ERBB4: variants seen among roughly 807,000 people sequenced by gnomAD.
ERBB4 encodes erb-b2 receptor tyrosine kinase 4.
ERBB4 carries 42 observed loss-of-function variants against 158.0 expected under a neutral mutation model. The observed-to-expected ratio is 0.27, with a 90% CI of 0.21 to 0.34. The LOEUF is 0.34. Among genes scored for constraint, ERBB4 ranks in the 10% least tolerant of loss-of-function variants. The pLI, the probability that ERBB4 is intolerant of heterozygous loss-of-function variation, is 1.00. For missense variants in ERBB4, 1,333 were observed against 1,624.1 expected (o/e 0.82, Z 3.08); for synonymous variants, 583 against 558.7 (o/e 1.04, Z -0.61).
At chr2:212,095,115 C>A (rs1427903006) in intron 2 of ERBB4, among the ~76,000 whole-genome samples, 1 of 152,128 alleles carries the variant, frequency 6.6e-6, no homozygotes, top group East Asian at 1.9e-4. Context: ...ATCTTGATTG[C>A]TAGATTGTAA....
At chr2:211,886,979 C>A (rs1445249248) in intron 3 of ERBB4, among the ~76,000 whole-genome samples, 1 of 152,190 alleles carries the variant, frequency 6.6e-6, no homozygotes, top group African/African-American at 2.4e-5. Context: ...TACCACTTCT[C>A]TGCACCTTCA....
chr2:211,510,748 T>C (rs1307930654), intron 20 of ERBB4, among the ~76,000 whole-genome samples: 1 of 152,082 alleles, frequency 6.6e-6, no homozygotes, highest in South Asian at 2.1e-4. Flanking sequence ...CTTCAATGAC[T>C]GTGCATTTTA....
At chr2:212,414,020 T>C (rs2091579359) in intron 1 of ERBB4, among the ~76,000 whole-genome samples, 1 of 152,196 alleles carries the variant, frequency 6.6e-6, no homozygotes, top group Non-Finnish European at 1.5e-5. Context: ...TATTGGGATC[T>C]CATGAGTTGA....
intron 3 of ERBB4, among the ~76,000 whole-genome samples, chr2:211,925,371 G>T (rs961667684): frequency 7.4e-6 from 1 of 135,066 alleles, no homozygotes; most frequent in Admixed American, 7.6e-5. Flanking sequence ...ACAAAAACAA[G>T]ACTGCTTTTT....
At chr2:212,288,668 A>G (rs2086093587) in intron 1 of ERBB4, among the ~76,000 whole-genome samples, 1 of 151,968 alleles carries the variant, frequency 6.6e-6, no homozygotes, top group African/African-American at 2.4e-5. Flanking sequence ...GTCACCCTTC[A>G]AAGTGTCTGT....
intron 7 of ERBB4, among the ~76,000 whole-genome samples, chr2:211,715,593 C>T (rs2073868135): frequency 6.6e-6 from 1 of 152,166 alleles, no homozygotes; most frequent in Non-Finnish European, 1.5e-5. Flanking sequence ...GGTGGCTTCT[C>T]ATGGTTTAAC....
chr2:211,661,387 ATAG>A (rs1218195045), intron 15 of ERBB4, among the ~76,000 whole-genome samples: 1 of 152,306 alleles, frequency 6.6e-6, no homozygotes, highest in East Asian at 1.9e-4. Flanking sequence ...AAAATCTAGA[ATAG>A]TAGAATTATA....
intron 1 of ERBB4, among the ~76,000 whole-genome samples, chr2:212,276,475 T>C (rs1175610498): frequency 6.6e-6 from 1 of 151,688 alleles, no homozygotes. Flanking sequence ...TAAACAGTCA[T>C]GTAAGACACA....
intron 16 of ERBB4, among the ~76,000 whole-genome samples, chr2:211,632,540 T>C (rs1340383377): frequency 6.6e-6 from 1 of 152,124 alleles, no homozygotes; most frequent in Non-Finnish European, 1.5e-5. Flanking sequence ...TAATAGGTGG[T>C]ATACATATTT....
intron 1 of ERBB4, among the ~76,000 whole-genome samples, chr2:212,129,767 T>G (rs1206009478): frequency 6.6e-6 from 1 of 152,064 alleles, no homozygotes; most frequent in South Asian, 2.1e-4. Flanking sequence ...AAAATTAGAT[T>G]AATCACAATA....
At chr2:211,929,379 C>T (rs1283946069) in intron 3 of ERBB4, among the ~76,000 whole-genome samples, 2 of 151,830 alleles carry the variant, frequency 1.3e-5, no homozygotes, top group African/African-American at 4.8e-5. Flanking sequence ...TGTTTTAAAA[C>T]ATAAAAAATA....
intron 1 of ERBB4, among the ~76,000 whole-genome samples, chr2:212,348,712 T>C (rs1463112836): frequency 2.0e-5 from 3 of 152,150 alleles, no homozygotes; most frequent in Non-Finnish European, 4.4e-5. Flanking sequence ...GTGGCATTAC[T>C]GACAGTCTAT....
chr2:212,478,008 A>G (rs1348590030), intron 1 of ERBB4, among the ~76,000 whole-genome samples: 1 of 152,150 alleles, frequency 6.6e-6, no homozygotes, highest in African/African-American at 2.4e-5. Context: ...TGTCTTTACA[A>G]GAATAATCTT....
At chr2:211,907,905 G>A (rs1405246529) in intron 3 of ERBB4, among the ~76,000 whole-genome samples, 1 of 151,740 alleles carries the variant, frequency 6.6e-6, no homozygotes, top group Non-Finnish European at 1.5e-5. Flanking sequence ...AAAACCTTAT[G>A]CAAAAAGTTA....
At chr2:211,565,175 T>C (rs891242368) in intron 19 of ERBB4, among the ~76,000 whole-genome samples, 4 of 152,128 alleles carry the variant, frequency 2.6e-5, no homozygotes, top group Non-Finnish European at 5.9e-5. Context: ...CATAAATTAA[T>C]ACAAATAATT....
intron 3 of ERBB4, among the ~76,000 whole-genome samples, chr2:211,854,931 G>C (rs536981241): frequency 6.6e-6 from 1 of 152,016 alleles, no homozygotes; most frequent in Non-Finnish European, 1.5e-5. Flanking sequence ...AGCCGCTATT[G>C]CTACGCAGTT....
chr2:212,527,456 C>CA (rs1174757092), intron 1 of ERBB4, among the ~76,000 whole-genome samples: 4 of 151,840 alleles, frequency 2.6e-5, no homozygotes, highest in Middle Eastern at 3.4e-3. Flanking sequence ...GAAAAAATTA[C>CA]AAAAAAATTG....
In ERBB4 at chr2:211,733,442, G is replaced by A. The variant is rs562889585; in HGVS notation, c.623-8248C>T. ...CAATAAAGGAAGAGTATGAATCTGCGTAAGAATACCATAGTATTTTTAAGA... is the reference window on the plus strand; with the variant it reads ...CAATAAAGGAAGAGTATGAATCTGCATAAGAATACCATAGTATTTTTAAGA... On this transcript the variant is annotated intron_variant, in intron 5 of 27. Transcript: ENST00000342788. Among the ~76,000 whole-genome samples the A allele has an allele frequency of 1.5e-3, 215 of 147,550 alleles. 7 individuals carry two copies. Among genetic ancestry groups the A allele is most frequent in the Non-Finnish European group, 2.0e-3 (133 of 67,980 alleles).
At chr2:211,466,701 C>T (rs1170349697) in intron 20 of ERBB4, among the ~76,000 whole-genome samples, 3 of 152,114 alleles carry the variant, frequency 2.0e-5, no homozygotes, top group African/African-American at 2.4e-5. Flanking sequence ...CAGAAAAGTG[C>T]TATGGTTTAC....
Sources: allele counts gnomAD v4.1 joint callset (sites outside exome capture counted in the v4.1 genomes callset), GRCh38; gene constraint gnomAD v4.1.1; transcripts MANE v1.5; gene names NCBI Gene and HGNC (gene_info 2026-07-23, HGNC 2026-07-21).